GNB4: variants seen among roughly 807,000 people sequenced by gnomAD.
GNB4 encodes guanine nucleotide-binding protein subunit beta-4.
Under a neutral mutation model 45.2 loss-of-function variants are expected in GNB4, and 28 were observed. That is an observed-to-expected ratio of 0.62 (90% CI 0.46 to 0.85). GNB4 has a LOEUF of 0.85. GNB4 is among the 40% of genes least tolerant of loss of function. The pLI, the probability that GNB4 is intolerant of heterozygous loss-of-function variation, is 0.00. For missense variants in GNB4, 321 were observed against 425.4 expected, an observed-to-expected ratio of 0.75 and a Z score of 2.16; for synonymous variants, 132 against 143.7, an observed-to-expected ratio of 0.92 and a Z score of 0.58.
At chr3:179,474,018 C>G in the GNB4 span, among the ~76,000 whole-genome samples, 2 of 152,222 alleles carry the variant, frequency 1.3e-5, no homozygotes, top group East Asian at 3.9e-4. Context: ...GTTTGCAACA[C>G]TGAGGCTTAA....
At chr3:179,425,217 C>T (rs1010869235) in intron 2 of GNB4, among the ~76,000 whole-genome samples, 2 of 152,184 alleles carry the variant, frequency 1.3e-5, no homozygotes, top group Non-Finnish European at 2.9e-5. Context: ...AGCATCTGTT[C>T]CCATTGTTCC....
chr3:179,424,773 GTTTT>G (rs1187503788), intron 2 of GNB4, among the ~76,000 whole-genome samples: 1 of 151,746 alleles, frequency 6.6e-6, no homozygotes, highest in Admixed American at 6.6e-5. Flanking sequence ...CCCGGCTAAC[GTTTT>G]TTTGTTTGTT....
chr3:179,410,825 G>A (rs1714629467), intron 8 of GNB4, among the ~76,000 whole-genome samples: 1 of 151,932 alleles, frequency 6.6e-6, no homozygotes, highest in South Asian at 2.1e-4. Flanking sequence ...AATGAGAGCA[G>A]GATATCCTGT....
chr3:179,461,817 A>G, the GNB4 span, among the ~76,000 whole-genome samples: 1 of 152,214 alleles, frequency 6.6e-6, no homozygotes, highest in South Asian at 2.1e-4. Flanking sequence ...GTAAAAAGTT[A>G]CTGTGTAATG....
the GNB4 span, among the ~76,000 whole-genome samples, chr3:179,526,839 C>A: frequency 6.6e-6 from 1 of 152,160 alleles, no homozygotes; most frequent in Admixed American, 6.5e-5. Flanking sequence ...CCTAGGAGAT[C>A]CTCAATAAAC....
At chr3:179,500,865 C>T in the GNB4 span, among the ~76,000 whole-genome samples, 1 of 152,286 alleles carries the variant, frequency 6.6e-6, no homozygotes, top group East Asian at 1.9e-4. Flanking sequence ...GGAGTTCACT[C>T]ATGATTTGGC....
At chr3:179,408,678 G>A (rs1317460957) in intron 8 of GNB4, among the ~76,000 whole-genome samples, 2 of 152,064 alleles carry the variant, frequency 1.3e-5, no homozygotes, top group East Asian at 3.9e-4. Context: ...TGTAGTCCCA[G>A]CTACTCAGGA....
chr3:179,484,141 C>T, the GNB4 span, among the ~76,000 whole-genome samples: 9 of 152,054 alleles, frequency 5.9e-5, no homozygotes, highest in South Asian at 1.0e-3. Context: ...AAAATGAGTA[C>T]GTATCAATAG....
At chr3:179,489,903 A>G in the GNB4 span, among the ~76,000 whole-genome samples, 10 of 152,192 alleles carry the variant, frequency 6.6e-5, no homozygotes, top group Admixed American at 6.5e-5. Context: ...TTTGCGTACA[A>G]CACTTTAAAC....
intron 1 of GNB4, among the ~76,000 whole-genome samples, chr3:179,428,688 G>A (rs1001428494): frequency 6.6e-6 from 1 of 152,220 alleles, no homozygotes; most frequent in Admixed American, 6.5e-5. Context: ...TACTATTATG[G>A]TTATTATTTG....
intron 1 of GNB4, among the ~76,000 whole-genome samples, chr3:179,428,320 T>C (rs533499054): frequency 6.6e-6 from 1 of 152,320 alleles, no homozygotes; most frequent in South Asian, 2.1e-4. Context: ...TTTATGAGTC[T>C]TAACCATTCC....
chr3:179,401,181 ATATC>A lies in GNB4; in HGVS notation c.*28_*31del. ...GGCTGTAGCATTGATTTCTCCAGAT[ATATC>A]AATGGAGAACAAATATGTATGACAC... On this transcript the variant is annotated 3_prime_UTR_variant, in exon 10 of 10. Transcript: ENST00000232564. The A allele has an allele frequency of 6.8e-7, 1 of 1,464,034 alleles. No homozygotes were observed. Among genetic ancestry groups the A allele is most frequent in the Non-Finnish European group, 9.5e-7 (1 of 1,049,790 alleles). 90.7% of individuals were successfully genotyped at this position (1,464,034 alleles called of 1,614,324 possible).
chr3:179,430,069 GAGAGACAGAC>G (rs1407422529), intron 1 of GNB4, among the ~76,000 whole-genome samples: 4 of 93,850 alleles, frequency 4.3e-5, no homozygotes, highest in Admixed American at 2.8e-4. Flanking sequence ...GTGACTGAGA[GAGAGACAGAC>G]AGACAGACAG....
At chr3:179,514,416 T>C in the GNB4 span, among the ~76,000 whole-genome samples, 1 of 152,182 alleles carries the variant, frequency 6.6e-6, no homozygotes, top group Non-Finnish European at 1.5e-5. Flanking sequence ...CATCCTGACT[T>C]AGGTTGCACC....
At chr3:179,438,111 TA>T (rs1245526650) in intron 1 of GNB4, among the ~76,000 whole-genome samples, 7 of 152,008 alleles carry the variant, frequency 4.6e-5, no homozygotes, top group African/African-American at 1.7e-4. Context: ...ACCCCGAACT[TA>T]AAAAGTACCA....
the GNB4 span, among the ~76,000 whole-genome samples, chr3:179,482,104 T>C: frequency 3.9e-5 from 6 of 152,004 alleles, no homozygotes; most frequent in Admixed American, 6.6e-5. Context: ...GGTTTGGCCA[T>C]GTTGTCCAGG....
intron 1 of GNB4, among the ~76,000 whole-genome samples, chr3:179,448,406 T>C (rs7618766): frequency 0.068 from 10,422 of 152,178 alleles, 522 homozygotes; most frequent in Middle Eastern, 0.26. Context: ...AATAATAGCC[T>C]ACTACACAGA....
chr3:179,444,114 AT>A, intron 1 of GNB4, among the ~76,000 whole-genome samples: 1 of 152,198 alleles, frequency 6.6e-6, no homozygotes, highest in East Asian at 1.9e-4. Context: ...CTTTGCAAAG[AT>A]TTTTTTGCAT....
chr3:179,427,343 G>C (rs1183065018), intron 1 of GNB4, among the ~76,000 whole-genome samples: 1 of 151,930 alleles, frequency 6.6e-6, no homozygotes, highest in Non-Finnish European at 1.5e-5. Flanking sequence ...GGTGGCTCAC[G>C]CCTGTAATCC....
Sources: allele counts gnomAD v4.1 joint callset (sites outside exome capture counted in the v4.1 genomes callset), GRCh38; gene constraint gnomAD v4.1.1; transcripts MANE v1.5; gene names NCBI Gene and HGNC (gene_info 2026-07-23, HGNC 2026-07-21).